The following HOXC11 variants were observed in gnomAD, a reference collection of about 807,000 sequenced individuals.
HOXC11 encodes the protein homeobox protein Hox-C11.
A neutral mutation model predicts 23.6 loss-of-function variants in HOXC11; 17 were observed. That is an observed-to-expected ratio of 0.72 (90% confidence interval 0.49 to 1.08). The LOEUF is 1.08. Ranked by LOEUF, HOXC11 falls within the 50% of genes least tolerant of loss-of-function variation. The pLI is 0.00. For synonymous variants in HOXC11, 196 were observed against 183.8 expected (o/e 1.07, Z -0.54); for missense variants, 413 against 412.1 (o/e 1.00, Z -0.02).
In HOXC11 at chr12:53,975,426, G is replaced by A. The variant is rs761251855; in HGVS notation, c.*13G>A. 2.4e-6 allele frequency: 3 copies of A among 1,257,178 alleles called. No individual in the cohort carries two copies. Among genetic ancestry groups the A allele is most frequent in the East Asian group, 4.9e-5 (2 of 40,912 alleles). The allele number at this position is 1,257,178 out of a possible 1,614,324, so 77.9% of individuals were successfully genotyped here. A position where few individuals can be genotyped will look rare whatever the true frequency, so the allele number is the denominator to read the frequency against. On this transcript the variant is annotated 3_prime_UTR_variant, in exon 2 of 2. Coordinates refer to ENST00000546378, the MANE Select transcript of HOXC11 (RefSeq NM_014212.4). ...TCCTCTGCTGTAACCTGCAGACCGG[G>A]CCCTTTTGGGGGCGGGGGGAGGGGA... is the stretch of plus-strand genomic sequence containing the variant.
At position 53,975,691 on chromosome 12, in the gene HOXC11, T is replaced by A. The variant is rs1366167803; in HGVS notation, c.*278T>A. 3.5e-6 allele frequency: 2 copies of A among 563,718 alleles called. No homozygotes were observed. Among genetic ancestry groups the A allele is most frequent in the Admixed American group, 6.7e-5 (2 of 29,990 alleles). 34.9% of individuals were successfully genotyped at this position (563,718 alleles called of 1,614,324 possible). ...TTGGCGCCGAGGCCAAGACTTTGAT[T>A]TAAAAGAAAACACACCTCGGCGACA... On this transcript the variant is annotated 3_prime_UTR_variant, in exon 2 of 2. Transcript: ENST00000546378.
chr12:53,973,824 G>A lies in HOXC11; in HGVS notation c.583G>A (p.Ala195Thr), dbSNP rs1939196753. Residue 195 changes from alanine (A) to threonine (T), a missense_variant, in exon 1 of 2, where the codon GCG (alanine) becomes ACG (threonine). Coordinates refer to ENST00000546378, the MANE Select transcript of HOXC11 (RefSeq NM_014212.4). The surrounding 1 kb of genome is among the most constrained non-coding windows in gnomAD (Gnocchi z 4.3). The stretch of plus-strand genomic sequence containing the variant: ...CTCGGGACTGGCGTCCCGGGCTGAG[G>A]CGGGTGCCGAGGCGGAGGCTGAGGA... ...PASGLASRAE[A>T]GAEAEAEEEN... 2.6e-6 allele frequency: 4 copies of A among 1,529,702 alleles called. No individual in the cohort carries two copies. In the African/African-American group the frequency reaches 4.2e-5, roughly 16 times the overall value. 94.8% of individuals were successfully genotyped at this position (1,529,702 alleles called of 1,614,324 possible).
chr12:53,975,314 G>A lies in HOXC11; in HGVS notation c.816G>A (p.Thr272=), dbSNP rs1328419515. Residue 272 remains threonine (T), a synonymous_variant, in exon 2 of 2, where the codon ACG becomes ACA. Coordinates refer to ENST00000546378, the MANE Select transcript of HOXC11 (RefSeq NM_014212.4). The part of the protein sequence containing the change: ...RLQLSRMLNL[T]DRQVKIWFQN... ...AGCTGTCCCGGATGCTGAACCTGACGGACCGACAAGTGAAAATTTGGTTTC... is the reference window on the plus strand; with the variant it reads ...AGCTGTCCCGGATGCTGAACCTGACAGACCGACAAGTGAAAATTTGGTTTC... The A allele has an allele frequency of 5.6e-6, 9 of 1,613,812 alleles. No individual in the cohort carries two copies. In the South Asian group the frequency reaches 6.6e-5, roughly 12 times the overall value.
rs1484546413 is a variant in HOXC11 at position 53,975,746 on chromosome 12, G to A, written c.*333G>A. On this transcript the variant is annotated 3_prime_UTR_variant, in exon 2 of 2. Transcript: ENST00000546378. ...CTTGCTGCTCGGATTAGGTGGGGGA[G>A]GGGCGACAGTAGTGAGCGCCTGAGC... 3.8e-6 allele frequency: 2 copies of A among 531,458 alleles called. No individual in the cohort carries two copies. Among genetic ancestry groups the A allele is most frequent in the Non-Finnish European group, 6.6e-6 (2 of 303,658 alleles). The allele number at this position is 531,458 out of a possible 1,614,324, so 32.9% of individuals were successfully genotyped here. A position where few individuals can be genotyped will look rare whatever the true frequency, so the allele number is the denominator to read the frequency against.
rs973447220 is a variant in HOXC11, at chr12:53,977,594, T to C, written c.*2181T>C. 6 of 152,180 alleles carry C rather than the reference T, an allele frequency of 3.9e-5. No homozygotes were observed. The highest frequency in any genetic ancestry group is 1.2e-4 in the African/African-American group (5 of 41,432). The allele number at this position is 152,180 out of a possible 1,614,324, so 9.4% of individuals were successfully genotyped here. On this transcript the variant is annotated 3_prime_UTR_variant, in exon 2 of 2. Transcript: ENST00000546378. The stretch of plus-strand genomic sequence containing the variant: ...GGTGCACATAAGAAGGAATATTATT[T>C]ATATGCTTTTGTCTGTTGCATGGAG...
chr12:53,973,677 G>A lies in HOXC11; in HGVS notation c.436G>A (p.Val146Ile). 6.2e-7 allele frequency: 1 copy of A among 1,613,688 alleles called. No homozygotes were observed. Among genetic ancestry groups the A allele is most frequent in the South Asian group, 1.1e-5 (1 of 91,082 alleles). The change falls in exon 1 of 2, where the codon GTC (valine) becomes ATC (isoleucine). Residue 146 changes from valine (V) to isoleucine (I), a missense_variant. Transcript: ENST00000546378. This position sits in a 1 kb window ranked among gnomAD's most constrained non-coding sequence, Gnocchi z 4.3. ...CTACTCCTCAGTCAACAAGAACAGC[G>A]TCCTGCCTCAAGCCTTCGACCGTTT... ...GFYSSVNKNS[V>I]LPQAFDRFFD... is the part of the protein sequence containing the mutation.
At chr12:53,974,585 G>T (rs1048431948) in intron 1 of HOXC11, among the ~76,000 whole-genome samples, 10 of 152,128 alleles carry the variant, frequency 6.6e-5, no homozygotes, top group African/African-American at 2.2e-4. Context: ...CCAGGCGGGG[G>T]TCTGGGCGTT....
rs1939185013 is a variant in HOXC11, at chr12:53,973,444, C to A, written c.203C>A (p.Pro68His). 1 of 1,614,070 alleles carries A rather than the reference C, an allele frequency of 6.2e-7. No homozygotes were observed. The highest frequency in any genetic ancestry group is 1.1e-5 in the South Asian group (1 of 91,084). Reference protein sequence around the residue: ...QISYPYSAQVPPVREVSYGLE... With the variant: ...QISYPYSAQVHPVREVSYGLE... ...TCCTATCCCTACTCGGCCCAAGTGC[C>A]CCCGGTCCGGGAGGTCTCCTACGGC... Residue 68 changes from proline to histidine, a missense_variant, in exon 1 of 2, where the codon CCC becomes CAC. By Grantham distance (77) the Pro-to-His change is moderately conservative. Coordinates refer to ENST00000546378, the MANE Select transcript of HOXC11 (RefSeq NM_014212.4). The surrounding 1 kb of genome is among the most constrained non-coding windows in gnomAD (Gnocchi z 4.3).
rs4142679 is a variant in HOXC11, at chr12:53,977,612, G to A, written c.*2199G>A. ...TATTATTTATATGCTTTTGTCTGTTGCATGGAGTAAACCTGACCACATACA... is the reference window on the plus strand; with the variant it reads ...TATTATTTATATGCTTTTGTCTGTTACATGGAGTAAACCTGACCACATACA... On this transcript the variant is annotated 3_prime_UTR_variant, in exon 2 of 2. Coordinates refer to ENST00000546378, the MANE Select transcript of HOXC11 (RefSeq NM_014212.4). 43,084 of 151,946 alleles carry A rather than the reference G, an allele frequency of 0.28. 6,297 individuals carry two copies. Among genetic ancestry groups the A allele is most frequent in the Middle Eastern group, 0.34 (100 of 294 alleles). The allele number at this position is 151,946 out of a possible 1,614,324, so 9.4% of individuals were successfully genotyped here. A position where few individuals can be genotyped will look rare whatever the true frequency, so the allele number is the denominator to read the frequency against.
chr12:53,973,996 G>C lies in HOXC11; in HGVS notation c.682+73G>C. 3 of 1,289,688 alleles carry C rather than the reference G, an allele frequency of 2.3e-6. No individual in the cohort carries two copies. Among genetic ancestry groups the C allele is most frequent in the Non-Finnish European group, 3.1e-6 (3 of 971,256 alleles). 79.9% of individuals were successfully genotyped at this position (1,289,688 alleles called of 1,614,324 possible). On this transcript the variant is annotated intron_variant, in intron 1 of 1. Transcript: ENST00000546378. The surrounding 1 kb of genome is among the most constrained non-coding windows in gnomAD (Gnocchi z 4.3). ...AGAGAGGGAGGGCGAGAGAAGGGGG[G>C]AGGCAAGGGGAGCGGGGACGGCCTC...
Position 53,975,501 on chromosome 12 carries a change from C to A in HOXC11, c.*88C>A, listed in dbSNP as rs1270285589. 4.1e-6 allele frequency: 4 copies of A among 972,136 alleles called. No homozygotes were observed. Among genetic ancestry groups the A allele is most frequent in the Non-Finnish European group, 6.4e-6 (4 of 628,846 alleles). The allele number at this position is 972,136 out of a possible 1,614,324, so 60.2% of individuals were successfully genotyped here. On this transcript the variant is annotated 3_prime_UTR_variant, in exon 2 of 2. Transcript: ENST00000546378. ...TTTTATTTTCTAACTCGTCTTCTTT[C>A]CGCCGGTGGAAAACTGGACTGTGGC...
Position 53,975,975 on chromosome 12 carries a change from C to G in HOXC11, c.*562C>G. The G allele has an allele frequency of 7.9e-6, 2 of 251,954 alleles. No individual in the cohort carries two copies. Among genetic ancestry groups the G allele is most frequent in the Non-Finnish European group, 1.5e-5 (2 of 131,246 alleles). 15.6% of individuals were successfully genotyped at this position (251,954 alleles called of 1,614,324 possible). A position where few individuals can be genotyped will look rare whatever the true frequency, so the allele number is the denominator to read the frequency against. On this transcript the variant is annotated 3_prime_UTR_variant, in exon 2 of 2. Coordinates refer to ENST00000546378, the MANE Select transcript of HOXC11 (RefSeq NM_014212.4). ...AGTCCGTGTCCTACCTCCGTCTTCG[C>G]CAAGGCCCCGCCCGAGCCTAGTTGT... is the stretch of plus-strand genomic sequence containing the variant.
At position 53,976,840 on chromosome 12, in the gene HOXC11, G is replaced by C. The variant is rs1939269383; in HGVS notation, c.*1427G>C. 6.7e-6 allele frequency: 1 copy of C among 150,258 alleles called. No individual in the cohort carries two copies. Among genetic ancestry groups the C allele is most frequent in the African/African-American group, 2.5e-5 (1 of 40,654 alleles). 9.3% of individuals were successfully genotyped at this position (150,258 alleles called of 1,614,324 possible). On this transcript the variant is annotated 3_prime_UTR_variant, in exon 2 of 2. Coordinates refer to ENST00000546378, the MANE Select transcript of HOXC11 (RefSeq NM_014212.4). ...CGTCTGTCGCAGTTAAATGTGTAGT[G>C]TGGAGGTTAGGGCTTTTTTTTTTTT...
intron 1 of HOXC11, 31 bp from the exon 2 acceptor site, chr12:53,975,150 T>G: frequency 1.0e-5 from 6 of 586,500 alleles, no homozygotes; most frequent in Admixed American, 2.5e-5. Context: ...CTCCCCCCTC[T>G]CCTCGCACTT....
chr12:53,973,906 C>G lies in HOXC11; in HGVS notation c.665C>G (p.Ala222Gly). The G allele has an allele frequency of 6.9e-7, 1 of 1,444,356 alleles. No homozygotes were observed. Among genetic ancestry groups the G allele is most frequent in the Non-Finnish European group, 9.1e-7 (1 of 1,096,984 alleles). 89.5% of individuals were successfully genotyped at this position (1,444,356 alleles called of 1,614,324 possible). ...GSAHSVAKEPAKGAAPNAPRT... is the reference protein window; with the variant it reads ...GSAHSVAKEPGKGAAPNAPRT... ...GCCCACTCCGTGGCCAAGGAGCCGGCCAAAGGAGCCGCCCCCAGTAGGTAG... is the reference window on the plus strand; with the variant it reads ...GCCCACTCCGTGGCCAAGGAGCCGGGCAAAGGAGCCGCCCCCAGTAGGTAG... The change falls in exon 1 of 2, where the codon GCC (alanine) becomes GGC (glycine). Residue 222 changes from alanine to glycine, a missense_variant. Coordinates refer to ENST00000546378, the MANE Select transcript of HOXC11 (RefSeq NM_014212.4). This position sits in a 1 kb window ranked among gnomAD's most constrained non-coding sequence, Gnocchi z 4.3.
Position 53,973,170 on chromosome 12 carries a change from C to G in HOXC11, c.-72C>G. The stretch of plus-strand genomic sequence containing the variant: ...CTAAGACGGATAACGCGTCATCTCG[C>G]CTTCCCAAATTTTCCCCCCTCGCTA... On this transcript the variant is annotated 5_prime_UTR_variant, in exon 1 of 2. Coordinates refer to ENST00000546378, the MANE Select transcript of HOXC11 (RefSeq NM_014212.4). The surrounding 1 kb of genome is among the most constrained non-coding windows in gnomAD (Gnocchi z 4.3). The G allele has an allele frequency of 1.6e-6, 2 of 1,216,312 alleles. No individual in the cohort carries two copies. Among genetic ancestry groups the G allele is most frequent in the Non-Finnish European group, 2.3e-6 (2 of 875,874 alleles). The allele number at this position is 1,216,312 out of a possible 1,614,324, so 75.3% of individuals were successfully genotyped here.
In HOXC11 at chr12:53,975,525, G is replaced by T; in HGVS notation, c.*112G>T. 1.2e-6 allele frequency: 1 copy of T among 806,464 alleles called. No homozygotes were observed. Among genetic ancestry groups the T allele is most frequent in the Non-Finnish European group, 2.1e-6 (1 of 481,322 alleles). 50.0% of individuals were successfully genotyped at this position (806,464 alleles called of 1,614,324 possible). ...TCCGCCGGTGGAAAACTGGACTGTG[G>T]CCAGGGCTGGCCCCCACCGCTGTGG... On this transcript the variant is annotated 3_prime_UTR_variant, in exon 2 of 2. Transcript: ENST00000546378.
rs2136376008 is a variant in HOXC11 at position 53,973,887 on chromosome 12, T to A, written c.646T>A (p.Ser216Thr). 4 of 1,444,074 alleles carry A rather than the reference T, an allele frequency of 2.8e-6. No homozygotes were observed. The highest frequency in any genetic ancestry group is 3.6e-6 in the Non-Finnish European group (4 of 1,097,260). 89.5% of individuals were successfully genotyped at this position (1,444,074 alleles called of 1,614,324 possible). ...TCCCAGCTCGTCCGGTTCAGCCCAC[T>A]CCGTGGCCAAGGAGCCGGCCAAAGG... ...TNPSSSGSAH[S>T]VAKEPAKGAA... Residue 216 changes from serine (S) to threonine (T), a missense_variant, in exon 1 of 2, where the codon TCC becomes ACC. Ser to Thr is a moderately conservative substitution (Grantham distance 58). Transcript: ENST00000546378. The surrounding 1 kb of genome is among the most constrained non-coding windows in gnomAD (Gnocchi z 4.3).
At position 53,975,222 on chromosome 12, in the gene HOXC11, T is replaced by G; in HGVS notation, c.724T>G (p.Phe242Val). 1 of 1,597,818 alleles carries G rather than the reference T, an allele frequency of 6.3e-7. No homozygotes were observed. The highest frequency in any genetic ancestry group is 2.3e-5 in the East Asian group (1 of 43,554). The change falls in exon 2 of 2, where the codon TTC becomes GTC. Residue 242 changes from phenylalanine (F) to valine (V), a missense_variant. Coordinates refer to ENST00000546378, the MANE Select transcript of HOXC11 (RefSeq NM_014212.4). Reference sequence around the variant, plus strand: ...CAAGAAGCGCTGCCCTTATTCGAAATTCCAGATCCGGGAACTGGAGCGAGA... The same window carrying G: ...CAAGAAGCGCTGCCCTTATTCGAAAGTCCAGATCCGGGAACTGGAGCGAGA... The part of the protein sequence containing the change: ...TRKKRCPYSK[F>V]QIRELEREFF...
Sources: gnomAD v4.1 joint callset for allele counts (sites outside exome capture counted in the v4.1 genomes callset) on GRCh38, gnomAD v4.1.1 for gene constraint, Gnocchi (gnomAD v3.1) non-coding constraint, MANE v1.5 for transcripts, NCBI Gene and HGNC (gene_info 2026-07-23, HGNC 2026-07-21) for gene names.